Variants in ATXN2 observed in about 807,000 individuals in gnomAD.
ATXN2 encodes ataxin 2.
A neutral mutation model predicts 138.6 loss-of-function variants in ATXN2; 37 were observed. The observed-to-expected ratio is 0.27, with a 90% CI of 0.21 to 0.35. The LOEUF (loss-of-function observed/expected upper bound fraction) is 0.35, where lower values mean the gene tolerates loss of function less well. Ranked by LOEUF, ATXN2 falls within the 10% of genes least tolerant of loss-of-function variation. The pLI, the probability that ATXN2 is intolerant of heterozygous loss-of-function variation, is 1.00. For missense variants in ATXN2, 1,216 were observed against 1,480.3 expected, an observed-to-expected ratio of 0.82 and a Z score of 2.93; for synonymous variants, 549 against 543.7, an observed-to-expected ratio of 1.01 and a Z score of -0.13.
intron 18 of ATXN2, among the ~76,000 whole-genome samples, chr12:111,472,678 C>G (rs1368275476): frequency 6.6e-6 from 1 of 152,156 alleles, no homozygotes; most frequent in Non-Finnish European, 1.5e-5. Context: ...AAGCGATTCT[C>G]CTACCTCAGC....
intron 23 of ATXN2, chr12:111,454,636 G>GAA (rs1280039334): frequency 1.8e-5 from 3 of 163,856 alleles, no homozygotes; most frequent in African/African-American, 7.2e-5. Context: ...GCAGGGCCAG[G>GAA]AAGAGCCCTT....
chr12:111,477,562 T>C (rs1876911628), intron 18 of ATXN2, among the ~76,000 whole-genome samples: 1 of 152,052 alleles, frequency 6.6e-6, no homozygotes, highest in Non-Finnish European at 1.5e-5. Context: ...CAAAAAAGCA[T>C]GAACCTTAAG....
intron 8 of ATXN2, 137 bp from the exon 9 acceptor site, chr12:111,518,564 G>A: frequency 1.2e-6 from 1 of 838,758 alleles, no homozygotes; most frequent in South Asian, 2.2e-5. Context: ...CTCACTCCCA[G>A]ATGCCCCTGT....
rs1880140608 is a variant in ATXN2 at position 111,521,218 on chromosome 12, A to G, written c.697-245T>C. On this transcript the variant is annotated intron_variant, in intron 6 of 24. Transcript: ENST00000673436. The stretch of plus-strand genomic sequence containing the variant: ...TTTTAAAGTTTAGAACATTTTAATT[A>G]CTTCATAAAATAGCCTTCAGATCAG... Among the ~76,000 whole-genome samples the G allele has an allele frequency of 2.6e-5, 4 of 152,238 alleles. No individual in the cohort carries two copies. In the South Asian group the frequency reaches 8.3e-4, roughly 31 times the overall value.
intron 1 of ATXN2, among the ~76,000 whole-genome samples, chr12:111,558,441 G>A (rs927924595): frequency 2.0e-5 from 3 of 152,266 alleles, no homozygotes. Context: ...AGGACTCTAT[G>A]CTTTTAATAG....
chr12:111,576,651 T>C (rs900776370), intron 1 of ATXN2, among the ~76,000 whole-genome samples: 4 of 151,728 alleles, frequency 2.6e-5, no homozygotes, highest in African/African-American at 9.7e-5. Context: ...AATGGCCAAT[T>C]TGTGTATTTG....
At chr12:111,525,165 A>G (rs1880411174) in intron 6 of ATXN2, 27 bp downstream of exon 6, 1 of 1,598,048 alleles carries the variant, frequency 6.3e-7, no homozygotes, top group Non-Finnish European at 8.5e-7. Context: ...ACCAGAGTCT[A>G]GCAATAATTA....
intron 5 of ATXN2, among the ~76,000 whole-genome samples, chr12:111,538,621 G>A (rs1387554355): frequency 1.3e-5 from 2 of 150,016 alleles, no homozygotes; most frequent in East Asian, 3.8e-4. Context: ...CCAAAGTGCT[G>A]AGATTACAGG....
intron 1 of ATXN2, among the ~76,000 whole-genome samples, chr12:111,584,682 T>TAGGCCGGGCAC (rs1192599030): frequency 4.0e-5 from 6 of 151,736 alleles, no homozygotes; most frequent in African/African-American, 9.7e-5. Flanking sequence ...ATACAAAAAT[T>TAGGCCGGGCAC]AGGCCGGGCA....
upstream of ATXN2, chr12:111,599,605 A>T (rs1592947363): frequency 9.3e-7 from 1 of 1,076,394 alleles, no homozygotes; most frequent in South Asian, 4.5e-5. Context: ...CGGAAGCAGA[A>T]CGTGAGGTGG....
intron 5 of ATXN2, among the ~76,000 whole-genome samples, chr12:111,540,991 C>T (rs563041954): frequency 3.3e-5 from 5 of 150,264 alleles, no homozygotes; most frequent in Admixed American, 1.3e-4. Context: ...GCACCACACC[C>T]GGCCTAAATC....
intron 1 of ATXN2, among the ~76,000 whole-genome samples, chr12:111,585,892 T>C (rs1374330207): frequency 6.6e-6 from 1 of 151,352 alleles, no homozygotes; most frequent in Non-Finnish European, 1.5e-5. Context: ...CCCATTTTAG[T>C]AGTTCCCAGG....
At chr12:111,471,876 T>C (rs1455706225) in intron 18 of ATXN2, 1 of 152,120 alleles carries the variant, frequency 6.6e-6, no homozygotes, top group South Asian at 2.1e-4. Context: ...ATTACCTTCC[T>C]GTATATTTAA....
At chr12:111,559,058 T>C (rs1419191246) in intron 1 of ATXN2, among the ~76,000 whole-genome samples, 1 of 151,528 alleles carries the variant, frequency 6.6e-6, no homozygotes, top group Non-Finnish European at 1.5e-5. Context: ...TGGAAGAATA[T>C]ATTAACTGAT....
chr12:111,550,932 T>C (rs1425878208), intron 5 of ATXN2, among the ~76,000 whole-genome samples: 1 of 152,204 alleles, frequency 6.6e-6, no homozygotes, highest in East Asian at 1.9e-4. Flanking sequence ...GAAAATCAAA[T>C]TGTACTGAAC....
chr12:111,583,485 G>T (rs1191180618), intron 1 of ATXN2, among the ~76,000 whole-genome samples: 1 of 151,988 alleles, frequency 6.6e-6, no homozygotes, highest in Non-Finnish European at 1.5e-5. Context: ...GTGAACCATG[G>T]CCAGGCACGG....
chr12:111,587,558 A>G (rs993578913), intron 1 of ATXN2, among the ~76,000 whole-genome samples: 3 of 152,052 alleles, frequency 2.0e-5, no homozygotes, highest in African/African-American at 7.2e-5. Context: ...CGGGAGACTG[A>G]GGTAGGAGGA....
At chr12:111,599,671 G>A, upstream of ATXN2, 6 of 1,053,542 alleles carry the variant, frequency 5.7e-6, no homozygotes, top group Non-Finnish European at 7.0e-6. Context: ...TTGCTTTCTC[G>A]GGGGTCGGGT....
At position 111,518,235 on chromosome 12, in the gene ATXN2, G is replaced by A. The variant is rs372554379; in HGVS notation, c.1165+14C>T. 1.2e-5 allele frequency: 18 copies of A among 1,558,900 alleles called. No individual in the cohort carries two copies. The Admixed American group carries it at 1.4e-4, about 13-fold the overall frequency. ...TTTATCAATGATATTGACAAGTCTG[G>A]TCAAAATACTTGCCTCCATTAACTA... On this transcript the variant is annotated intron_variant, in intron 9 of 24. Transcript: ENST00000673436.
Sources: allele counts gnomAD v4.1 joint callset (sites outside exome capture counted in the v4.1 genomes callset), GRCh38; gene constraint gnomAD v4.1.1; transcripts MANE v1.5; gene names NCBI Gene and HGNC (gene_info 2026-07-23, HGNC 2026-07-21).